HMOX2: variants seen among roughly 807,000 people sequenced by gnomAD.
HMOX2 encodes the protein heme oxygenase (decycling) 2.
Under a neutral mutation model 33.7 loss-of-function variants are expected in HMOX2, and 30 were observed. That is an observed-to-expected ratio of 0.89 (90% CI 0.67 to 1.21). HMOX2 has a LOEUF of 1.21. Among genes scored for constraint, HMOX2 ranks in the 50% most tolerant of loss-of-function variants. HMOX2 has a pLI of 0.00. For missense variants in HMOX2, 403 were observed against 399.1 expected (o/e 1.01, Z -0.08); for synonymous variants, 155 against 155.0 (o/e 1.00, Z 0.00).
intron 1 of HMOX2, among the ~76,000 whole-genome samples, chr16:4,477,978 G>T (rs2057915737): frequency 6.6e-6 from 1 of 152,182 alleles, no homozygotes; most frequent in African/African-American, 2.4e-5. Context: ...GGAGTTCACA[G>T]TTAAGACATA....
intron 1 of HMOX2, among the ~76,000 whole-genome samples, chr16:4,482,101 G>T (rs1468301861): frequency 6.6e-6 from 1 of 152,110 alleles, no homozygotes; most frequent in East Asian, 1.9e-4. Flanking sequence ...AGGTATCCCA[G>T]TAATTAGAAA....
intron 1 of HMOX2, among the ~76,000 whole-genome samples, chr16:4,478,137 G>A (rs1284529954): frequency 6.6e-6 from 1 of 152,202 alleles, no homozygotes; most frequent in Non-Finnish European, 1.5e-5. Flanking sequence ...GAAATCCTGT[G>A]ATTCCTCCAT....
At chr16:4,489,433 C>T (rs2058254659) in intron 1 of HMOX2, among the ~76,000 whole-genome samples, 1 of 152,102 alleles carries the variant, frequency 6.6e-6, no homozygotes, top group Non-Finnish European at 1.5e-5. Context: ...CACAAGCACT[C>T]ACCACCACAT....
At chr16:4,500,321 G>A (rs750484181) in intron 1 of HMOX2, among the ~76,000 whole-genome samples, 16 of 152,176 alleles carry the variant, frequency 1.1e-4, no homozygotes, top group African/African-American at 3.4e-4. Context: ...GGGAGCACTC[G>A]TGGAGTCCCA....
Position 4,509,983 on chromosome 16 carries a change from T to A in HMOX2, c.*227T>A. 1 of 570,412 alleles carries A rather than the reference T, an allele frequency of 1.8e-6. No homozygotes were observed. The highest frequency in any genetic ancestry group is 3.1e-6 in the Non-Finnish European group (1 of 322,250). The allele number at this position is 570,412 out of a possible 1,614,324, so 35.3% of individuals were successfully genotyped here. On this transcript the variant is annotated 3_prime_UTR_variant, in exon 6 of 6. Coordinates refer to ENST00000570646, the MANE Select transcript of HMOX2 (RefSeq NM_002134.4). ...GTCACCCTGGGAGCAGTCGGCACAG[T>A]GCAGCAAGCCTGGCCCCCGACCCAG... is the stretch of plus-strand genomic sequence containing the variant.
Position 4,507,967 on chromosome 16 carries a change from A to G in HMOX2, c.459A>G (p.Ala153=), listed in dbSNP as rs148157253. The G allele has an allele frequency of 1.4e-5, 23 of 1,613,804 alleles. No homozygotes were observed. Among genetic ancestry groups the G allele is most frequent in the Non-Finnish European group, 1.7e-5 (20 of 1,179,972 alleles). ...AGCCGGAGCTACTGGTGGCCCATGCATACACCCGCTACATGGGGGATCTCT... is the reference window on the plus strand; with the variant it reads ...AGCCGGAGCTACTGGTGGCCCATGCGTACACCCGCTACATGGGGGATCTCT... The part of the protein sequence containing the change: ...QNEPELLVAH[A]YTRYMGDLSG... The change falls in exon 4 of 6, where the codon GCA becomes GCG. Residue 153 remains alanine, a synonymous_variant. Coordinates refer to ENST00000570646, the MANE Select transcript of HMOX2 (RefSeq NM_002134.4).
intron 1 of HMOX2, among the ~76,000 whole-genome samples, chr16:4,494,971 A>T (rs1441402237): frequency 6.6e-6 from 1 of 152,174 alleles, no homozygotes; most frequent in Non-Finnish European, 1.5e-5. Flanking sequence ...TAGGAGGTCA[A>T]GACCAGTCTC....
Position 4,505,282 on chromosome 16 carries a change from A to G in HMOX2, c.-41-202A>G, listed in dbSNP as rs184668334. On this transcript the variant is annotated intron_variant, in intron 1 of 5. Transcript: ENST00000570646. ...AGCTTAATGTCAATACAATGCTATT[A>G]CCTAATACATTGTTCATATTCAGAT... Among the ~76,000 whole-genome samples the G allele has an allele frequency of 2.6e-5, 4 of 152,348 alleles. No individual in the cohort carries two copies. The East Asian group carries it at 7.7e-4, about 29-fold the overall frequency.
intron 1 of HMOX2, among the ~76,000 whole-genome samples, chr16:4,498,318 G>A (rs1418296946): frequency 1.3e-5 from 2 of 151,324 alleles, no homozygotes; most frequent in African/African-American, 2.4e-5. Flanking sequence ...CTACCCGCTC[G>A]GCCTCCCAAA....
rs373695179 is a variant in HMOX2 at position 4,507,940 on chromosome 16, C to T, written c.432C>T (p.Asn144=). 6.1e-5 allele frequency: 98 copies of T among 1,613,698 alleles called. No homozygotes were observed. The highest frequency in any genetic ancestry group is 1.0e-4 in the Admixed American group (6 of 59,970). ...YVERIHYIGQ[N]EPELLVAHAY... ...AGCGGATCCACTACATAGGGCAGAACGAGCCGGAGCTACTGGTGGCCCATG... is the reference window on the plus strand; with the variant it reads ...AGCGGATCCACTACATAGGGCAGAATGAGCCGGAGCTACTGGTGGCCCATG... Residue 144 remains asparagine (N), a synonymous_variant, in exon 4 of 6, where the codon AAC becomes AAT. Coordinates refer to ENST00000570646, the MANE Select transcript of HMOX2 (RefSeq NM_002134.4).
At chr16:4,509,038 C>G (rs189176320) in intron 4 of HMOX2, among the ~76,000 whole-genome samples, 5 of 152,344 alleles carry the variant, frequency 3.3e-5, no homozygotes, top group Admixed American at 6.5e-5. Flanking sequence ...CCAGCTCACT[C>G]TCTCTGGAGG....
chr16:4,488,662 C>T (rs1323351148), intron 1 of HMOX2: 2 of 152,312 alleles, frequency 1.3e-5, no homozygotes, highest in Non-Finnish European at 2.9e-5. Context: ...ATGAAGAGAC[C>T]TTGCTGCTGC....
At chr16:4,484,135 C>T (rs954731988) in intron 1 of HMOX2, among the ~76,000 whole-genome samples, 19 of 151,586 alleles carry the variant, frequency 1.3e-4, no homozygotes, top group African/African-American at 4.4e-4. Flanking sequence ...CCACCATGCC[C>T]GGCTAATTTT....
Position 4,505,650 on chromosome 16 carries a change from C to T in HMOX2, c.86+40C>T, listed in dbSNP as rs2058672643. On this transcript the variant is annotated intron_variant, in intron 2 of 5. Coordinates refer to ENST00000570646, the MANE Select transcript of HMOX2 (RefSeq NM_002134.4). ...CTGGCTGCACTGAATCAGGTGGGCC[C>T]AGCACCTGTCGTGCTCAGCACACCT... 5 of 1,382,870 alleles carry T rather than the reference C, an allele frequency of 3.6e-6. No individual in the cohort carries two copies. The South Asian group carries it at 3.7e-5, about 10-fold the overall frequency. 85.7% of individuals were successfully genotyped at this position (1,382,870 alleles called of 1,614,324 possible).
rs1292166929 is a variant in HMOX2, at chr16:4,509,538, G to A, written c.823G>A (p.Gly275Ser). ...CPFYAAEQDK[G>S]ALEGSSCPFR... ...TTTCTACGCTGCTGAACAAGACAAA[G>A]GTAGGTCTGTGTGTCCTGAGCTCCC... Residue 275 changes from glycine to serine, a missense_variant and splice_region_variant, in exon 5 of 6, where the codon GGT becomes AGT. By Grantham distance (56) the Gly-to-Ser change is moderately conservative. Transcript: ENST00000570646. 1 of 1,614,156 alleles carries A rather than the reference G, an allele frequency of 6.2e-7. No individual in the cohort carries two copies. Among genetic ancestry groups the A allele is most frequent in the Non-Finnish European group, 8.5e-7 (1 of 1,180,034 alleles).
At chr16:4,502,079 C>A (rs977022799) in intron 1 of HMOX2, among the ~76,000 whole-genome samples, 2 of 152,178 alleles carry the variant, frequency 1.3e-5, no homozygotes, top group Non-Finnish European at 2.9e-5. Flanking sequence ...TGCCCACCAC[C>A]ATGCCTGGCT....
chr16:4,510,012 T>A lies in HMOX2; in HGVS notation c.*256T>A. The A allele has an allele frequency of 1.9e-6, 1 of 524,778 alleles. No homozygotes were observed. Among genetic ancestry groups the A allele is most frequent in the Non-Finnish European group, 3.4e-6 (1 of 292,482 alleles). 32.5% of individuals were successfully genotyped at this position (524,778 alleles called of 1,614,324 possible). A position where few individuals can be genotyped will look rare whatever the true frequency, so the allele number is the denominator to read the frequency against. ...GCAAGCCTGGCCCCCGACCCAGCTC[T>A]ACTCCAGGCTTCCACACTTCTGGGC... On this transcript the variant is annotated 3_prime_UTR_variant, in exon 6 of 6. Coordinates refer to ENST00000570646, the MANE Select transcript of HMOX2 (RefSeq NM_002134.4).
Position 4,482,537 on chromosome 16 carries a change from G to A in HMOX2, c.-42+6050G>A, listed in dbSNP as rs7201171. ...TAGCGTCAGATCCCACCAATTGAGG[G>A]CTCAGTCCCACAAAACTGTCCCAAC... On this transcript the variant is annotated intron_variant, in intron 1 of 5. Transcript: ENST00000570646. 6.3e-3 allele frequency among the ~76,000 whole-genome samples: 957 copies of A among 152,166 alleles called. 8 individuals carry two copies. The highest frequency in any genetic ancestry group is 0.031 in the Middle Eastern group (9 of 294).
chr16:4,492,486 G>A (rs922626322), intron 1 of HMOX2, among the ~76,000 whole-genome samples: 2 of 152,094 alleles, frequency 1.3e-5, no homozygotes, highest in Non-Finnish European at 2.9e-5. Flanking sequence ...TTGGGAGGCC[G>A]AGGTGGGCAG....
Sources: gnomAD v4.1 joint callset for allele counts (sites outside exome capture counted in the v4.1 genomes callset) on GRCh38, gnomAD v4.1.1 for gene constraint, MANE v1.5 for transcripts, NCBI Gene and HGNC (gene_info 2026-07-23, HGNC 2026-07-21) for gene names.